IQCM: variants seen among roughly 807,000 people sequenced by gnomAD.
IQCM encodes IQ motif containing M.
A neutral mutation model predicts 57.6 loss-of-function variants in IQCM; 45 were observed. The observed-to-expected ratio is 0.78, with a 90% CI of 0.62 to 1.00. The LOEUF (loss-of-function observed/expected upper bound fraction) is 1.00, where lower values mean the gene tolerates loss of function less well. Ranked by LOEUF, IQCM falls within the 50% of genes least tolerant of loss-of-function variation. The pLI is 0.00. For synonymous variants in IQCM, 148 were observed against 158.9 expected (o/e 0.93, Z 0.51); for missense variants, 468 against 511.6 (o/e 0.91, Z 0.82).
chr4:149,404,426 G>T (rs1314589847), intron 13 of IQCM, among the ~76,000 whole-genome samples: 1 of 151,978 alleles, frequency 6.6e-6, no homozygotes. Flanking sequence ...AAGTTTCTGG[G>T]CTCTTGACTC....
At chr4:149,528,380 C>T (rs1746389543) in intron 12 of IQCM, among the ~76,000 whole-genome samples, 1 of 150,566 alleles carries the variant, frequency 6.6e-6, no homozygotes, top group South Asian at 2.1e-4. Context: ...TCAATCATCA[C>T]TTATCAATTC....
intron 12 of IQCM, among the ~76,000 whole-genome samples, chr4:149,463,035 G>A (rs1347777445): frequency 6.6e-6 from 1 of 152,184 alleles, no homozygotes; most frequent in Non-Finnish European, 1.5e-5. Context: ...AAGACCATTA[G>A]TAAGAACTTG....
intron 10 of IQCM, among the ~76,000 whole-genome samples, chr4:149,554,604 G>A (rs1248817526): frequency 6.6e-6 from 1 of 151,564 alleles, no homozygotes; most frequent in African/African-American, 2.4e-5. Context: ...ATGAGCCACC[G>A]CACCTGGCCG....
chr4:149,476,471 T>G (rs534429453), intron 12 of IQCM, among the ~76,000 whole-genome samples: 12 of 152,260 alleles, frequency 7.9e-5, no homozygotes, highest in African/African-American at 2.6e-4. Flanking sequence ...TTACTAAAGC[T>G]TAAGTGACAA....
chr4:149,668,520 G>C (rs1014488806), intron 7 of IQCM, among the ~76,000 whole-genome samples: 2 of 152,094 alleles, frequency 1.3e-5, no homozygotes, highest in African/African-American at 4.8e-5. Context: ...GCAGCGGGGG[G>C]CAAGGGGAGG....
At chr4:149,794,644 TA>T (rs1268084819) in intron 2 of IQCM, among the ~76,000 whole-genome samples, 1 of 151,872 alleles carries the variant, frequency 6.6e-6, no homozygotes, top group Non-Finnish European at 1.5e-5. Flanking sequence ...CATATAATAA[TA>T]AAAAAAGACT....
At chr4:149,546,825 TTAG>T (rs1748488664) in intron 12 of IQCM, among the ~76,000 whole-genome samples, 1 of 152,144 alleles carries the variant, frequency 6.6e-6, no homozygotes, top group Non-Finnish European at 1.5e-5. Context: ...TTTAGTTTAA[TTAG>T]ATCCCATTTG....
intron 7 of IQCM, among the ~76,000 whole-genome samples, chr4:149,670,183 G>A (rs1761128831): frequency 6.6e-6 from 1 of 152,040 alleles, no homozygotes; most frequent in Non-Finnish European, 1.5e-5. Context: ...TCCTTGAGGA[G>A]GTCCTTCACA....
intron 2 of IQCM, among the ~76,000 whole-genome samples, chr4:149,814,868 T>C (rs2150074551): frequency 6.6e-6 from 1 of 152,112 alleles, no homozygotes; most frequent in Admixed American, 6.6e-5. Flanking sequence ...ATTTTTCTCA[T>C]GCCACATTCA....
chr4:149,746,668 C>T (rs908237380), intron 2 of IQCM, among the ~76,000 whole-genome samples: 2 of 152,190 alleles, frequency 1.3e-5, no homozygotes, highest in African/African-American at 4.8e-5. Context: ...CTTGGTTTGA[C>T]TTCTCTTGGA....
chr4:149,786,736 T>C (rs1772114098), intron 2 of IQCM, among the ~76,000 whole-genome samples: 1 of 152,200 alleles, frequency 6.6e-6, no homozygotes, highest in Non-Finnish European at 1.5e-5. Flanking sequence ...TTGGTGGGAA[T>C]GTAAATTAGT....
At chr4:149,411,974 A>G (rs915393760) in intron 13 of IQCM, among the ~76,000 whole-genome samples, 1 of 152,184 alleles carries the variant, frequency 6.6e-6, no homozygotes, top group Admixed American at 6.6e-5. Context: ...TAAGCTATAT[A>G]GTCTTTTTAG....
At chr4:149,745,894 C>A (rs900528753) in intron 2 of IQCM, among the ~76,000 whole-genome samples, 3 of 151,986 alleles carry the variant, frequency 2.0e-5, no homozygotes, top group Non-Finnish European at 4.4e-5. Context: ...ATCAGTTGAG[C>A]CTGGGAGGTC....
At chr4:149,553,756 G>A (rs1749267420) in intron 10 of IQCM, among the ~76,000 whole-genome samples, 1 of 151,590 alleles carries the variant, frequency 6.6e-6, no homozygotes, top group African/African-American at 2.4e-5. Context: ...TTTTTTTGTT[G>A]TTGTTGATTT....
chr4:149,459,056 T>C (rs1008469930), intron 12 of IQCM, among the ~76,000 whole-genome samples: 1 of 152,204 alleles, frequency 6.6e-6, no homozygotes, highest in African/African-American at 2.4e-5. Context: ...TTTCAAAATA[T>C]TCCCACATGT....
rs188313223 is a variant in IQCM at position 149,767,650 on chromosome 4, A to G, written c.-48-24911T>C. On this transcript the variant is annotated intron_variant, in intron 2 of 13. Coordinates refer to ENST00000636793, the MANE Select transcript of IQCM (RefSeq NM_001363507.2). ...TAGGATGCATCTTGTTTGAAGGCCT[A>G]TGGTCTTCCCTCACTGATTATGTTG... Among the ~76,000 whole-genome samples, 5 of 152,098 alleles carry G rather than the reference A, an allele frequency of 3.3e-5. No homozygotes were observed. In the East Asian group the frequency reaches 5.8e-4, roughly 18 times the overall value.
intron 5 of IQCM, among the ~76,000 whole-genome samples, chr4:149,687,288 G>A (rs1485715924): frequency 6.6e-6 from 1 of 151,464 alleles, no homozygotes; most frequent in African/African-American, 2.4e-5. Flanking sequence ...TAACATTTTT[G>A]TAGAAATGGA....
At chr4:149,353,839 AACAGGT>A (rs1458420060) in intron 13 of IQCM, among the ~76,000 whole-genome samples, 4 of 152,186 alleles carry the variant, frequency 2.6e-5, no homozygotes, top group South Asian at 2.1e-4. Context: ...GTTTAAGATG[AACAGGT>A]CTAGAGACCT....
chr4:149,739,796 T>G (rs1338159179), intron 3 of IQCM, among the ~76,000 whole-genome samples: 1 of 152,118 alleles, frequency 6.6e-6, no homozygotes, highest in Non-Finnish European at 1.5e-5. Flanking sequence ...TCCCAAATAT[T>G]TCACTAGCCT....
Sources: gnomAD v4.1 joint callset for allele counts (sites outside exome capture counted in the v4.1 genomes callset) on GRCh38, gnomAD v4.1.1 for gene constraint, MANE v1.5 for transcripts, NCBI Gene and HGNC (gene_info 2026-07-23, HGNC 2026-07-21) for gene names.